The following TMEM267 variants were observed in gnomAD, a reference collection of about 807,000 sequenced individuals.
TMEM267 encodes transmembrane protein 267.
TMEM267 carries 20 observed loss-of-function variants against 19.3 expected under a neutral mutation model. The ratio of observed to expected loss-of-function variants is 1.04; its 90% confidence interval spans 0.73 to 1.51. TMEM267 has a LOEUF of 1.51. TMEM267 is among the 40% of genes most tolerant of loss of function. TMEM267 has a pLI of 0.00. For synonymous variants in TMEM267, 88 were observed against 90.3 expected (o/e 0.97, Z 0.15); for missense variants, 242 against 261.9 (o/e 0.92, Z 0.52).
chr5:43,460,645 G>A (rs1743206138), intron 1 of TMEM267, among the ~76,000 whole-genome samples: 1 of 152,148 alleles, frequency 6.6e-6, no homozygotes, highest in African/African-American at 2.4e-5. Context: ...GGGGCAGAGA[G>A]CATCTCTGGG....
intron 2 of TMEM267, among the ~76,000 whole-genome samples, chr5:43,452,963 ACGTAAAATATAGGCAAATCTTCTGACAT>A (rs1288536846): frequency 6.6e-6 from 1 of 152,230 alleles, no homozygotes; most frequent in Admixed American, 6.5e-5. Context: ...GATCATAAGC[ACGTAAAATATAGGCAAATCTTCTGACAT>A]TTAGAAAATA....
chr5:43,463,503 C>A (rs1743410040), intron 1 of TMEM267, among the ~76,000 whole-genome samples: 1 of 152,136 alleles, frequency 6.6e-6, no homozygotes, highest in Admixed American at 6.5e-5. Context: ...GAATTTTAGA[C>A]CAATATCCTT....
intron 1 of TMEM267, among the ~76,000 whole-genome samples, chr5:43,471,838 A>G (rs1744096241): frequency 6.6e-6 from 1 of 152,182 alleles, no homozygotes; most frequent in South Asian, 2.1e-4. Context: ...CTATTAAACT[A>G]CTACAAGAAA....
intron 1 of TMEM267, among the ~76,000 whole-genome samples, chr5:43,466,180 A>G (rs1158434433): frequency 6.6e-6 from 1 of 152,160 alleles, no homozygotes; most frequent in African/African-American, 2.4e-5. Flanking sequence ...AACCCAAAGA[A>G]GACTACCTTA....
At chr5:43,453,117 G>C (rs143892706) in intron 2 of TMEM267, among the ~76,000 whole-genome samples, 1 of 152,214 alleles carries the variant, frequency 6.6e-6, no homozygotes, top group Non-Finnish European at 1.5e-5. Context: ...AGCCAGTCCA[G>C]TTGAAATACA....
At chr5:43,454,074 G>A (rs970057788) in intron 1 of TMEM267, 31 bp from the exon 2 acceptor site, 1 of 1,390,004 alleles carries the variant, frequency 7.2e-7, no homozygotes, top group Non-Finnish European at 9.6e-7. Context: ...AAATATGAAT[G>A]AAGATTATGG....
At chr5:43,467,879 T>C (rs1743833652) in intron 1 of TMEM267, among the ~76,000 whole-genome samples, 1 of 152,204 alleles carries the variant, frequency 6.6e-6, no homozygotes, top group African/African-American at 2.4e-5. Context: ...GTCTCTCACC[T>C]ACCTGTGACC....
intron 1 of TMEM267, among the ~76,000 whole-genome samples, chr5:43,456,427 A>G (rs1208354932): frequency 1.1e-5 from 1 of 88,716 alleles, no homozygotes; most frequent in Non-Finnish European, 2.1e-5. Context: ...AAAATTGGTA[A>G]GTTGAACTTA....
At chr5:43,483,930 T>A (rs1263989837), upstream of TMEM267, 1 of 151,908 alleles carries the variant, frequency 6.6e-6, no homozygotes, top group Admixed American at 6.6e-5. Flanking sequence ...GACCGCAGCG[T>A]CGGCCGAGAG....
At chr5:43,453,228 G>A (rs933512232) in intron 2 of TMEM267, among the ~76,000 whole-genome samples, 2 of 152,194 alleles carry the variant, frequency 1.3e-5, no homozygotes, top group Non-Finnish European at 2.9e-5. Context: ...GGAGTACTTA[G>A]GAGCTGCATA....
chr5:43,465,966 T>TA (rs1743637579), intron 1 of TMEM267, among the ~76,000 whole-genome samples: 1 of 86,918 alleles, frequency 1.2e-5, no homozygotes. Context: ...ATAATAAAAT[T>TA]TAAAAAAAAG....
intron 1 of TMEM267, among the ~76,000 whole-genome samples, chr5:43,477,770 C>T (rs1744515850): frequency 6.6e-6 from 1 of 152,200 alleles, no homozygotes; most frequent in Admixed American, 6.5e-5. Flanking sequence ...GTTTCTTGCT[C>T]TCAATACAAA....
chr5:43,483,481 G>A lies in TMEM267; in HGVS notation c.-75+341C>T, dbSNP rs138049318. ...AATGGGCTCCTTCGGCACGACTCCC[G>A]GAACCCCACCCTGGGCCAGAAAAAG... On this transcript the variant is annotated intron_variant, in intron 1 of 2. Transcript: ENST00000397080. Among the ~76,000 whole-genome samples, 758 of 152,294 alleles carry A rather than the reference G, an allele frequency of 5.0e-3. 10 individuals carry two copies. The highest frequency in any genetic ancestry group is 0.012 in the African/African-American group (488 of 41,568).
chr5:43,454,518 G>A (rs1204802301), intron 1 of TMEM267: 1 of 152,236 alleles, frequency 6.6e-6, no homozygotes, highest in Non-Finnish European at 1.5e-5. Context: ...GGTCCAGGCT[G>A]AGCCAATCAG....
chr5:43,457,831 T>C (rs1453703865), intron 1 of TMEM267, among the ~76,000 whole-genome samples: 1 of 152,238 alleles, frequency 6.6e-6, no homozygotes, highest in Admixed American at 6.5e-5. Flanking sequence ...GTAATAGATG[T>C]ACTGTAGTTC....
intron 2 of TMEM267, among the ~76,000 whole-genome samples, chr5:43,448,920 C>T (rs1398466501): frequency 6.7e-6 from 1 of 149,988 alleles, no homozygotes. Flanking sequence ...AAATCTCAAA[C>T]AACCACATGG....
intron 1 of TMEM267, among the ~76,000 whole-genome samples, chr5:43,482,655 T>C (rs1744855273): frequency 6.6e-6 from 1 of 152,226 alleles, no homozygotes; most frequent in Non-Finnish European, 1.5e-5. Context: ...CTGTTTGGGA[T>C]AGCTTCTCTG....
intron 1 of TMEM267, among the ~76,000 whole-genome samples, chr5:43,463,905 T>A (rs926040475): frequency 2.0e-5 from 3 of 152,190 alleles, no homozygotes; most frequent in African/African-American, 7.2e-5. Flanking sequence ...AAGACAGGGA[T>A]GCCCTCTCTC....
chr5:43,446,690 A>C (rs1742257772), intron 2 of TMEM267, 133 bp from the exon 3 acceptor site: 1 of 510,390 alleles, frequency 2.0e-6, no homozygotes, highest in South Asian at 3.6e-5. Context: ...ATGCCACTTC[A>C]GGATACATAT....
Sources: gnomAD v4.1 joint callset for allele counts (sites outside exome capture counted in the v4.1 genomes callset) on GRCh38, gnomAD v4.1.1 for gene constraint, MANE v1.5 for transcripts, NCBI Gene and HGNC (gene_info 2026-07-23, HGNC 2026-07-21) for gene names.